SMARCA4: variants seen among roughly 807,000 people sequenced by gnomAD.
SMARCA4 encodes SWI/SNF-related matrix-associated actin-dependent regulator of chromatin subfamily A member 4.
In SMARCA4, 31 loss-of-function variants were observed where a neutral mutation model predicts 193.9. That is an observed-to-expected ratio of 0.16 (90% CI 0.12 to 0.22). The LOEUF (loss-of-function observed/expected upper bound fraction) is 0.22. SMARCA4 is among the 10% of genes least tolerant of loss of function. The pLI, the probability that SMARCA4 is intolerant of heterozygous loss-of-function variation, is 1.00. For missense variants in SMARCA4, 1,148 were observed against 2,296.0 expected, an observed-to-expected ratio of 0.50 and a Z score of 10.22; for synonymous variants, 942 against 933.1, an observed-to-expected ratio of 1.01 and a Z score of -0.17.
chr19:10,986,801 A>C lies in SMARCA4; in HGVS notation c.761-104A>C. 8.1e-7 allele frequency: 1 copy of C among 1,237,228 alleles called. No individual in the cohort carries two copies. Among genetic ancestry groups the C allele is most frequent in the South Asian group, 1.2e-5 (1 of 82,664 alleles). The allele number at this position is 1,237,228 out of a possible 1,614,324, so 76.6% of individuals were successfully genotyped here. ...GCTTCCCCTGGGGCCGCTGGTTAAT[A>C]GGTGTATCTGCTGTGTCCCCTGGAG... On this transcript the variant is annotated intron_variant, in intron 4 of 34. Coordinates refer to ENST00000344626, the MANE Select transcript of SMARCA4 (RefSeq NM_003072.5). This position sits in a 1 kb window ranked among gnomAD's most constrained non-coding sequence, Gnocchi z 6.7.
At chr19:11,029,058 G>A (rs1019617560) in intron 24 of SMARCA4, among the ~76,000 whole-genome samples, 5 of 152,156 alleles carry the variant, frequency 3.3e-5, no homozygotes, top group African/African-American at 4.8e-5. Flanking sequence ...GGTCCTCCCC[G>A]GGGTTCTGTC....
At chr19:11,056,565 A>G (rs1415307992) in intron 30 of SMARCA4, among the ~76,000 whole-genome samples, 1 of 152,058 alleles carries the variant, frequency 6.6e-6, no homozygotes, top group Non-Finnish European at 1.5e-5. Context: ...CCTCCTCAGC[A>G]CGGCTGGCCT....
chr19:11,026,495 ATCT>A, intron 23 of SMARCA4, 149 bp downstream of exon 23: 1 of 587,758 alleles, frequency 1.7e-6, no homozygotes, highest in African/African-American at 2.0e-5. Flanking sequence ...AATAATACAA[ATCT>A]TTTTTTTTTT....
intron 18 of SMARCA4, chr19:11,020,884 G>A (rs908585903): frequency 6.6e-6 from 1 of 151,578 alleles, no homozygotes; most frequent in African/African-American, 2.4e-5. Flanking sequence ...CTGTCACCCA[G>A]GCTGGAGTGC....
intron 1 of SMARCA4, among the ~76,000 whole-genome samples, chr19:10,964,556 C>T (rs1284990353): frequency 1.3e-5 from 2 of 151,894 alleles, no homozygotes; most frequent in Non-Finnish European, 2.9e-5. Context: ...ACTGATCCAC[C>T]CACCTTGGCC....
At chr19:10,992,004 G>A (rs1272313091) in intron 8 of SMARCA4, among the ~76,000 whole-genome samples, 1 of 152,228 alleles carries the variant, frequency 6.6e-6, no homozygotes, top group Admixed American at 6.5e-5. Flanking sequence ...ATTTGGGGAT[G>A]ATTGTGCTGA....
intron 30 of SMARCA4, among the ~76,000 whole-genome samples, chr19:11,042,811 AACCC>A (rs1568530925): frequency 6.6e-6 from 1 of 151,898 alleles, no homozygotes; most frequent in African/African-American, 2.4e-5. Context: ...ACATGGTGAA[AACCC>A]ATCTTTACTG....
chr19:10,981,636 G>A (rs1421255971), intron 1 of SMARCA4, among the ~76,000 whole-genome samples: 1 of 152,206 alleles, frequency 6.6e-6, no homozygotes, highest in African/African-American at 2.4e-5. Flanking sequence ...TGTTAGCCAT[G>A]AAAGTGGAAT....
At chr19:11,049,994 T>A (rs1017145835) in intron 30 of SMARCA4, among the ~76,000 whole-genome samples, 1 of 151,962 alleles carries the variant, frequency 6.6e-6, no homozygotes, top group African/African-American at 2.4e-5. Flanking sequence ...CCCAGCTACT[T>A]GGGAGGCTGA....
intron 25 of SMARCA4, among the ~76,000 whole-genome samples, chr19:11,032,874 A>G (rs979158854): frequency 6.6e-5 from 10 of 152,162 alleles, no homozygotes; most frequent in Admixed American, 6.5e-4. Context: ...TGAGAGTGGC[A>G]GGGCCCACAG....
intron 1 of SMARCA4, among the ~76,000 whole-genome samples, chr19:10,961,948 C>T (rs974835532): frequency 6.6e-6 from 1 of 151,318 alleles, no homozygotes; most frequent in African/African-American, 2.4e-5. Flanking sequence ...GTGTTTTGTC[C>T]CGATCTTGAA....
chr19:11,054,137 A>ATC (rs2076412626), intron 30 of SMARCA4, among the ~76,000 whole-genome samples: 1 of 152,216 alleles, frequency 6.6e-6, no homozygotes, highest in Admixed American at 6.5e-5. Context: ...CTGGCTCAGT[A>ATC]TCTCCCAAGT....
In SMARCA4 at chr19:10,996,194, A is replaced by G. The variant is rs2145967721; in HGVS notation, c.1594-19A>G. ...GCACATTGTGCCACCACATTGCAGT[A>G]ACCCCCATGCTTTTGTAGGCTGAAG... On this transcript the variant is annotated intron_variant, in intron 9 of 34. Coordinates refer to ENST00000344626, the MANE Select transcript of SMARCA4 (RefSeq NM_003072.5). 1 of 1,613,804 alleles carries G rather than the reference A, an allele frequency of 6.2e-7. No homozygotes were observed. The highest frequency in any genetic ancestry group is 8.5e-7 in the Non-Finnish European group (1 of 1,179,750).
At position 11,061,969 on chromosome 19, in the gene SMARCA4, T is replaced by C. The variant is rs912099382; in HGVS notation, c.*153T>C. The C allele has an allele frequency of 5.3e-5, 40 of 748,976 alleles. No individual in the cohort carries two copies. The highest frequency in any genetic ancestry group is 7.7e-5 in the Non-Finnish European group (33 of 427,806). The allele number at this position is 748,976 out of a possible 1,614,324, so 46.4% of individuals were successfully genotyped here. ...TTCCATATTTATACAGCAGAGAAGC[T>C]GTAGGACTGTTTGTGACTGGCCCTG... On this transcript the variant is annotated 3_prime_UTR_variant, in exon 35 of 35. Coordinates refer to ENST00000344626, the MANE Select transcript of SMARCA4 (RefSeq NM_003072.5).
chr19:10,970,584 A>G (rs983860153), intron 1 of SMARCA4, among the ~76,000 whole-genome samples: 3 of 152,064 alleles, frequency 2.0e-5, no homozygotes, highest in South Asian at 2.1e-4. Flanking sequence ...TAATTTTTAA[A>G]TTTTTTGTAG....
intron 23 of SMARCA4, among the ~76,000 whole-genome samples, chr19:11,027,286 C>T (rs1243676027): frequency 6.6e-6 from 1 of 152,186 alleles, no homozygotes; most frequent in African/African-American, 2.4e-5. Flanking sequence ...AGCCATATCA[C>T]GTCGTCCCCC....
chr19:10,963,628 G>T (rs1379898132), intron 1 of SMARCA4, among the ~76,000 whole-genome samples: 1 of 152,080 alleles, frequency 6.6e-6, no homozygotes, highest in Non-Finnish European at 1.5e-5. Flanking sequence ...CAAGCGAGGC[G>T]CTTAGCAGTA....
chr19:10,975,739 C>T (rs1480347373), intron 1 of SMARCA4, among the ~76,000 whole-genome samples: 2 of 152,206 alleles, frequency 1.3e-5, no homozygotes, highest in African/African-American at 2.4e-5. Context: ...CCCTTTGGCC[C>T]AGGGAAAGGG....
chr19:11,010,949 G>A (rs2088774139), intron 15 of SMARCA4: 1 of 277,256 alleles, frequency 3.6e-6, no homozygotes, highest in Admixed American at 4.4e-5. Context: ...TCTGTGTGGT[G>A]TGAAACGGCG....
Sources: allele counts gnomAD v4.1 joint callset (sites outside exome capture counted in the v4.1 genomes callset), GRCh38; gene constraint gnomAD v4.1.1; non-coding constraint Gnocchi (gnomAD v3.1); transcripts MANE v1.5; gene names NCBI Gene and HGNC (gene_info 2026-07-23, HGNC 2026-07-21).